The following CADPS variants were observed in gnomAD, a reference collection of about 807,000 sequenced individuals.
The protein encoded by CADPS is calcium-dependent secretion activator 1.
Under a neutral mutation model 167.3 loss-of-function variants are expected in CADPS, and 57 were observed. The observed-to-expected ratio is 0.34, with a 90% CI of 0.28 to 0.42. The LOEUF (loss-of-function observed/expected upper bound fraction) is 0.42. Among genes scored for constraint, CADPS ranks in the 20% least tolerant of loss-of-function variants. The pLI, the probability that CADPS is intolerant of heterozygous loss-of-function variation, is 1.00. For synonymous variants in CADPS, 676 were observed against 635.3 expected (o/e 1.06, Z -0.96); for missense variants, 1,414 against 1,738.1 (o/e 0.81, Z 3.32).
In CADPS at chr3:62,766,608, T is replaced by C. The variant is rs115746136; in HGVS notation, c.442-624A>G. On this transcript the variant is annotated intron_variant, in intron 1 of 29. Coordinates refer to ENST00000383710, the MANE Select transcript of CADPS (RefSeq NM_003716.4). ...ACATCCATGATCACATGACAGATGA[T>C]GTTTGGGTACAGGATATACTTCTGG... Among the ~76,000 whole-genome samples the C allele has an allele frequency of 1.7e-3, 262 of 152,302 alleles. 1 individual carries two copies. Among genetic ancestry groups the C allele is most frequent in the African/African-American group, 6.1e-3 (254 of 41,556 alleles).
chr3:62,684,682 C>G (rs1056124061), intron 3 of CADPS, among the ~76,000 whole-genome samples: 8 of 152,010 alleles, frequency 5.3e-5, no homozygotes, highest in African/African-American at 1.9e-4. Flanking sequence ...ACCATTTCCT[C>G]AGTGGTCTAC....
At chr3:62,551,800 A>G (rs2077360071) in intron 10 of CADPS, among the ~76,000 whole-genome samples, 1 of 151,134 alleles carries the variant, frequency 6.6e-6, no homozygotes, top group South Asian at 2.1e-4. Flanking sequence ...TGCCTGGAGC[A>G]CTCTTTTTTC....
rs147087123 is a variant in CADPS, at chr3:62,478,373, C to T, written c.3217G>A (p.Ala1073Thr). The T allele has an allele frequency of 2.0e-5, 33 of 1,613,638 alleles. No individual in the cohort carries two copies. Among genetic ancestry groups the T allele is most frequent in the African/African-American group, 9.3e-5 (7 of 74,888 alleles). Residue 1073 changes from alanine to threonine, a missense_variant, in exon 23 of 30, where the codon GCC becomes ACC. Transcript: ENST00000383710. The surrounding 1 kb of genome is among the most constrained non-coding windows in gnomAD (Gnocchi z 5.7). Reference protein sequence around the residue: ...TSEDLFWKLDALQTFIRDLHW... With the variant: ...TSEDLFWKLDTLQTFIRDLHW... ...AGGTCCCGAATGAAGGTCTGAAGGG[C>T]GTCAAGTTTCCAAAACAGATCTTCT...
intron 12 of CADPS, among the ~76,000 whole-genome samples, chr3:62,533,777 G>A (rs1022855837): frequency 4.0e-5 from 6 of 151,842 alleles, no homozygotes; most frequent in African/African-American, 7.3e-5. Flanking sequence ...AGGTAATAAC[G>A]CAACTCTCCA....
chr3:62,583,416 T>C (rs1476403920), intron 8 of CADPS, among the ~76,000 whole-genome samples: 1 of 152,154 alleles, frequency 6.6e-6, no homozygotes, highest in African/African-American at 2.4e-5. Context: ...AGGAGCATGA[T>C]AAGAAGGAAG....
At chr3:62,686,347 T>C (rs982039317) in intron 3 of CADPS, among the ~76,000 whole-genome samples, 1 of 152,056 alleles carries the variant, frequency 6.6e-6, no homozygotes. Flanking sequence ...TAAAGTTCTT[T>C]CAGAAAGTCA....
chr3:62,739,570 A>C (rs1024318613), intron 3 of CADPS, among the ~76,000 whole-genome samples: 2 of 152,200 alleles, frequency 1.3e-5, no homozygotes, highest in African/African-American at 4.8e-5. Context: ...GCCTCCCTAT[A>C]CATAAGGATT....
intron 5 of CADPS, among the ~76,000 whole-genome samples, chr3:62,648,898 G>C (rs1368884352): frequency 1.3e-5 from 2 of 151,936 alleles, no homozygotes; most frequent in African/African-American, 2.4e-5. Flanking sequence ...GAAAGTTTCT[G>C]TGAAATTACA....
chr3:62,669,549 T>G (rs541839400), intron 3 of CADPS, among the ~76,000 whole-genome samples: 12 of 152,328 alleles, frequency 7.9e-5, no homozygotes, highest in African/African-American at 2.9e-4. Flanking sequence ...CTGTCTCTTG[T>G]GTGTCCACCT....
At chr3:62,868,099 C>T (rs2082033097) in intron 1 of CADPS, among the ~76,000 whole-genome samples, 1 of 152,086 alleles carries the variant, frequency 6.6e-6, no homozygotes, top group African/African-American at 2.4e-5. Context: ...AATCATATCA[C>T]ATGCCTAGAC....
chr3:62,605,470 C>T (rs78110225), intron 6 of CADPS, among the ~76,000 whole-genome samples: 9,654 of 152,260 alleles, frequency 0.063, 995 homozygotes, highest in African/African-American at 0.22. Flanking sequence ...AAAGTGGTCA[C>T]ATGAATAGCA....
At chr3:62,612,050 T>C (rs2061576285) in intron 6 of CADPS, among the ~76,000 whole-genome samples, 1 of 152,344 alleles carries the variant, frequency 6.6e-6, no homozygotes, top group African/African-American at 2.4e-5. Flanking sequence ...CTGCAGACAC[T>C]TAACAAATAT....
At chr3:62,867,154 T>C (rs1261694838) in intron 1 of CADPS, among the ~76,000 whole-genome samples, 4 of 152,092 alleles carry the variant, frequency 2.6e-5, no homozygotes, top group African/African-American at 9.7e-5. Flanking sequence ...GTCAGTATCA[T>C]TAGTGTAAAC....
intron 1 of CADPS, among the ~76,000 whole-genome samples, chr3:62,853,741 A>G (rs1035605123): frequency 6.6e-6 from 1 of 152,012 alleles, no homozygotes; most frequent in Non-Finnish European, 1.5e-5. Context: ...CAGGCAGATC[A>G]CTTGAACCCA....
At chr3:62,610,754 CCT>C (rs1415167700) in intron 6 of CADPS, among the ~76,000 whole-genome samples, 1 of 152,186 alleles carries the variant, frequency 6.6e-6, no homozygotes, top group African/African-American at 2.4e-5. Flanking sequence ...CTGGCTCTCC[CCT>C]GTCTCACTAG....
intron 3 of CADPS, among the ~76,000 whole-genome samples, chr3:62,678,848 T>TA (rs11391705): frequency 0.24 from 35,850 of 151,804 alleles, 4,846 homozygotes; most frequent in African/African-American, 0.37. Flanking sequence ...CAGGGCTTAT[T>TA]AAAAGGTGTC....
At chr3:62,622,395 G>A (rs1296566186) in intron 6 of CADPS, among the ~76,000 whole-genome samples, 3 of 151,916 alleles carry the variant, frequency 2.0e-5, no homozygotes, top group African/African-American at 7.3e-5. Flanking sequence ...AGTTTTTTCC[G>A]GGCCACTGAA....
intron 9 of CADPS, among the ~76,000 whole-genome samples, chr3:62,566,577 C>T (rs2080251759): frequency 7.8e-6 from 1 of 128,568 alleles, no homozygotes; most frequent in Non-Finnish European, 1.7e-5. Context: ...AATGTGATCA[C>T]TTAAATAGGG....
chr3:62,657,455 CA>C (rs1183208765), intron 4 of CADPS, among the ~76,000 whole-genome samples: 1 of 152,168 alleles, frequency 6.6e-6, no homozygotes, highest in African/African-American at 2.4e-5. Flanking sequence ...ACTAATGCCA[CA>C]ATCTGTCTGC....
Sources: allele counts gnomAD v4.1 joint callset (sites outside exome capture counted in the v4.1 genomes callset), GRCh38; gene constraint gnomAD v4.1.1; non-coding constraint Gnocchi (gnomAD v3.1); transcripts MANE v1.5; gene names NCBI Gene and HGNC (gene_info 2026-07-23, HGNC 2026-07-21).